The following ERBB4 variants were observed in gnomAD, a reference collection of about 807,000 sequenced individuals.
ERBB4 encodes the protein receptor tyrosine-protein kinase erbB-4.
Under a neutral mutation model 158.0 loss-of-function variants are expected in ERBB4, and 42 were observed. The observed-to-expected ratio is 0.27, with a 90% CI of 0.21 to 0.34. The LOEUF (loss-of-function observed/expected upper bound fraction) is 0.34, where lower values mean the gene tolerates loss of function less well. Among genes scored for constraint, ERBB4 ranks in the 10% least tolerant of loss-of-function variants. ERBB4 has a pLI of 1.00. For synonymous variants in ERBB4, 583 were observed against 558.7 expected, an observed-to-expected ratio of 1.04 and a Z score of -0.61; for missense variants, 1,333 against 1,624.1, an observed-to-expected ratio of 0.82 and a Z score of 3.08.
intron 2 of ERBB4, among the ~76,000 whole-genome samples, chr2:212,046,418 G>A (rs1239008149): frequency 6.6e-6 from 1 of 152,152 alleles, no homozygotes; most frequent in Non-Finnish European, 1.5e-5. Flanking sequence ...AATCTGGTAA[G>A]GGAGTATTTT....
intron 20 of ERBB4, among the ~76,000 whole-genome samples, chr2:211,490,617 C>T (rs912850396): frequency 9.2e-5 from 14 of 151,922 alleles, no homozygotes; most frequent in Middle Eastern, 3.2e-3. Flanking sequence ...AAGCATTGGG[C>T]CCAGGCTGGA....
chr2:212,364,793 T>C (rs115973648), intron 1 of ERBB4, among the ~76,000 whole-genome samples: 268 of 151,812 alleles, frequency 1.8e-3, no homozygotes, highest in Middle Eastern at 6.8e-3. Flanking sequence ...GACTTGCATT[T>C]TATGCATGCC....
chr2:211,923,823 A>G (rs936825837), intron 3 of ERBB4, among the ~76,000 whole-genome samples: 4 of 152,084 alleles, frequency 2.6e-5, no homozygotes, highest in Non-Finnish European at 5.9e-5. Flanking sequence ...CCTGGGTTCA[A>G]GTGATTCTCC....
chr2:211,440,452 A>C lies in ERBB4; in HGVS notation c.2488-9352T>G, dbSNP rs542007578. 2.0e-5 allele frequency among the ~76,000 whole-genome samples: 3 copies of C among 152,324 alleles called. No homozygotes were observed. In the East Asian group the frequency reaches 5.8e-4, roughly 29 times the overall value. On this transcript the variant is annotated intron_variant, in intron 20 of 27. Coordinates refer to ENST00000342788, the MANE Select transcript of ERBB4 (RefSeq NM_005235.3). Reference sequence around the variant, plus strand: ...ATAGAAGCTGAGCCTTTCTCTGAGCATACATATTGTGCAAATGCATTCAGA... The same window carrying C: ...ATAGAAGCTGAGCCTTTCTCTGAGCCTACATATTGTGCAAATGCATTCAGA...
At chr2:212,092,316 T>C (rs1216051715) in intron 2 of ERBB4, among the ~76,000 whole-genome samples, 5 of 152,212 alleles carry the variant, frequency 3.3e-5, no homozygotes, top group Non-Finnish European at 1.5e-5. Flanking sequence ...TTGTTGACTG[T>C]TGCTCTTGTT....
intron 5 of ERBB4, among the ~76,000 whole-genome samples, chr2:211,743,997 T>C (rs2074880607): frequency 6.6e-6 from 1 of 152,190 alleles, no homozygotes; most frequent in Non-Finnish European, 1.5e-5. Flanking sequence ...ATCAGACTCA[T>C]GAGTAACACA....
intron 4 of ERBB4, among the ~76,000 whole-genome samples, chr2:211,770,342 CA>C (rs528870118): frequency 6.6e-6 from 1 of 152,062 alleles, no homozygotes; most frequent in South Asian, 2.1e-4. Context: ...AAAAAGGTAA[CA>C]AAAAAAGCAT....
At chr2:212,157,841 T>C (rs1318153741) in intron 1 of ERBB4, among the ~76,000 whole-genome samples, 1 of 152,046 alleles carries the variant, frequency 6.6e-6, no homozygotes, top group Non-Finnish European at 1.5e-5. Flanking sequence ...CCTAAGTCTT[T>C]GGACTAGTAG....
chr2:212,137,671 T>C (rs2080317469), intron 1 of ERBB4, among the ~76,000 whole-genome samples: 4 of 152,210 alleles, frequency 2.6e-5, no homozygotes, highest in Admixed American at 2.6e-4. Flanking sequence ...ATGATTTATA[T>C]TCCTCTGGGC....
intron 1 of ERBB4, among the ~76,000 whole-genome samples, chr2:212,348,540 C>T (rs1309826486): frequency 1.3e-5 from 2 of 151,982 alleles, no homozygotes; most frequent in Non-Finnish European, 2.9e-5. Flanking sequence ...CGTAACACAT[C>T]GTCACATTCT....
At chr2:211,412,513 C>T (rs1386698788) in intron 25 of ERBB4, among the ~76,000 whole-genome samples, 2 of 152,160 alleles carry the variant, frequency 1.3e-5, no homozygotes, top group Non-Finnish European at 2.9e-5. Flanking sequence ...TGGCATGTCT[C>T]TCTCAGAATA....
intron 2 of ERBB4, among the ~76,000 whole-genome samples, chr2:212,009,334 T>C (rs2076331462): frequency 2.0e-5 from 3 of 151,598 alleles, no homozygotes; most frequent in South Asian, 4.2e-4. Flanking sequence ...AGATTTGAAA[T>C]ACTCAGAGAA....
chr2:212,537,150 C>CGGCGGCGGGGGCGGG lies in ERBB4; in HGVS notation c.82+1298_82+1299insCCCGCCCCCGCCGCC, dbSNP rs576146218. Reference sequence around the variant, plus strand: ...GCAAAGGAGGCGGCGGCGGCGGCGGCGGCGGAGCGGGAAAACTACAGCTAG... The same window carrying CGGCGGCGGGGGCGGG: ...GCAAAGGAGGCGGCGGCGGCGGCGGCGGCGGCGGGGGCGGGGGCGGAGCGGGAAAACTACAGCTAG... On this transcript the variant is annotated intron_variant, in intron 1 of 27. Coordinates refer to ENST00000342788, the MANE Select transcript of ERBB4 (RefSeq NM_005235.3). 3.7e-3 allele frequency among the ~76,000 whole-genome samples: 565 copies of CGGCGGCGGGGGCGGG among 151,210 alleles called. 4 individuals are homozygous for CGGCGGCGGGGGCGGG. The highest frequency in any genetic ancestry group is 4.1e-3 in the Non-Finnish European group (278 of 67,814).
At chr2:212,146,953 T>C (rs2080693935) in intron 1 of ERBB4, among the ~76,000 whole-genome samples, 1 of 150,000 alleles carries the variant, frequency 6.7e-6, no homozygotes, top group Admixed American at 6.7e-5. Context: ...GGGGAAAAAG[T>C]TGGCAGAGAG....
intron 1 of ERBB4, among the ~76,000 whole-genome samples, chr2:212,281,176 T>C (rs2085745467): frequency 6.6e-6 from 1 of 151,766 alleles, no homozygotes; most frequent in Non-Finnish European, 1.5e-5. Flanking sequence ...TTTGCTCTTC[T>C]ATTATCATTA....
At chr2:211,519,399 T>C (rs2066129733) in intron 20 of ERBB4, among the ~76,000 whole-genome samples, 1 of 152,086 alleles carries the variant, frequency 6.6e-6, no homozygotes, top group African/African-American at 2.4e-5. Context: ...GCAGACATAA[T>C]TAAAGCCATT....
At chr2:211,468,398 A>T (rs966891437) in intron 20 of ERBB4, among the ~76,000 whole-genome samples, 1 of 152,156 alleles carries the variant, frequency 6.6e-6, no homozygotes, top group African/African-American at 2.4e-5. Flanking sequence ...GACTATGCCA[A>T]CCCATCCAGG....
chr2:212,137,571 T>C (rs1239970789), intron 1 of ERBB4, among the ~76,000 whole-genome samples: 1 of 152,214 alleles, frequency 6.6e-6, no homozygotes, highest in Non-Finnish European at 1.5e-5. Flanking sequence ...ATGCAGTCTA[T>C]TATTAATGGG....
At chr2:211,978,969 T>C (rs2081712435) in intron 2 of ERBB4, among the ~76,000 whole-genome samples, 1 of 152,194 alleles carries the variant, frequency 6.6e-6, no homozygotes, top group Non-Finnish European at 1.5e-5. Flanking sequence ...TCCATAGATA[T>C]ATGGAAAAAG....
Sources: gnomAD v4.1 joint callset for allele counts (sites outside exome capture counted in the v4.1 genomes callset) on GRCh38, gnomAD v4.1.1 for gene constraint, MANE v1.5 for transcripts, NCBI Gene and HGNC (gene_info 2026-07-23, HGNC 2026-07-21) for gene names.